The following RAPGEF5 variants were observed in gnomAD, a reference collection of about 807,000 sequenced individuals.
RAPGEF5 encodes M-Ras-regulated GEF.
In RAPGEF5, 65 loss-of-function variants were observed where a neutral mutation model predicts 125.2. That is an observed-to-expected ratio of 0.52 (90% confidence interval 0.43 to 0.64). The LOEUF is 0.64. Among genes scored for constraint, RAPGEF5 ranks in the 30% least tolerant of loss-of-function variants. The probability of loss-of-function intolerance (pLI) is 0.00; values close to 1 mark genes in which losing one functional copy is unlikely to be tolerated. For synonymous variants in RAPGEF5, 391 were observed against 385.9 expected (o/e 1.01, Z -0.16); for missense variants, 958 against 1,048.1 (o/e 0.91, Z 1.19).
chr7:22,154,661 C>A, intron 16 of RAPGEF5, 57 bp from the exon 17 acceptor site: 1 of 1,565,302 alleles, frequency 6.4e-7, no homozygotes, highest in East Asian at 2.3e-5. Context: ...GAGGTATAGA[C>A]TTTTCCAAAT....
At chr7:22,143,484 G>T (rs1783330576) in intron 20 of RAPGEF5, among the ~76,000 whole-genome samples, 1 of 152,046 alleles carries the variant, frequency 6.6e-6, no homozygotes, top group Non-Finnish European at 1.5e-5. Flanking sequence ...TGAAATTCAA[G>T]ATCTTTTACA....
At position 22,291,237 on chromosome 7, in the gene RAPGEF5, G is replaced by C; in HGVS notation, c.685C>G (p.His229Asp). The part of the protein sequence containing the change: ...PARGGICELS[H>D]QKIEDSEESS... ...TCTTCGGAGTCTTCAATTTTCTGAT[G>C]AGACCTAAAAAAAAAAAAAAGAACA... Residue 229 changes from histidine to aspartate, a missense_variant, in exon 6 of 26, where the codon CAT (histidine) becomes GAT (aspartate). His to Asp is a moderately conservative substitution (Grantham distance 81). Transcript: ENST00000665637. The C allele has an allele frequency of 6.5e-7, 1 of 1,530,326 alleles. No homozygotes were observed. Among genetic ancestry groups the C allele is most frequent in the South Asian group, 1.3e-5 (1 of 78,946 alleles). 94.8% of individuals were successfully genotyped at this position (1,530,326 alleles called of 1,614,324 possible).
chr7:22,279,529 A>C (rs1225638364), intron 6 of RAPGEF5, among the ~76,000 whole-genome samples: 2 of 152,306 alleles, frequency 1.3e-5, no homozygotes, highest in East Asian at 3.9e-4. Context: ...TGAAACCCAA[A>C]GTCAAGAACA....
At chr7:22,182,278 A>G (rs1784697567) in intron 11 of RAPGEF5, among the ~76,000 whole-genome samples, 1 of 152,230 alleles carries the variant, frequency 6.6e-6, no homozygotes, top group East Asian at 1.9e-4. Context: ...AAACACAGAA[A>G]GAGAAAGAAG....
intron 9 of RAPGEF5, among the ~76,000 whole-genome samples, chr7:22,214,597 T>C (rs550349052): frequency 1.3e-5 from 2 of 152,320 alleles, no homozygotes; most frequent in Admixed American, 6.5e-5. Flanking sequence ...ATGTAACTAT[T>C]TTACTGAAAA....
chr7:22,189,642 T>TA (rs1330349733), intron 11 of RAPGEF5, among the ~76,000 whole-genome samples: 2 of 152,078 alleles, frequency 1.3e-5, no homozygotes, highest in Non-Finnish European at 2.9e-5. Context: ...CATTTCAAAA[T>TA]ATTTCAAGTC....
At chr7:22,240,500 T>C (rs1249411794) in intron 7 of RAPGEF5, among the ~76,000 whole-genome samples, 1 of 151,940 alleles carries the variant, frequency 6.6e-6, no homozygotes, top group Non-Finnish European at 1.5e-5. Context: ...GCCTCCCAAG[T>C]AGCTGGGATT....
chr7:22,295,857 A>C (rs1178428516), intron 5 of RAPGEF5, among the ~76,000 whole-genome samples: 1 of 152,110 alleles, frequency 6.6e-6, no homozygotes, highest in Non-Finnish European at 1.5e-5. Flanking sequence ...AGGAGTACAA[A>C]GGGTAGGCTT....
chr7:22,273,386 T>A (rs944879362), intron 6 of RAPGEF5, among the ~76,000 whole-genome samples: 17 of 150,908 alleles, frequency 1.1e-4, no homozygotes, highest in African/African-American at 4.1e-4. Flanking sequence ...GCCCGGCTAA[T>A]TTTTTGTATT....
intron 18 of RAPGEF5, among the ~76,000 whole-genome samples, chr7:22,147,699 T>C (rs571176625): frequency 1.3e-5 from 2 of 152,348 alleles, no homozygotes; most frequent in African/African-American, 4.8e-5. Flanking sequence ...ATCACAACTT[T>C]CAATCTATTT....
chr7:22,203,892 A>C (rs1445611220), intron 9 of RAPGEF5, among the ~76,000 whole-genome samples: 1 of 152,214 alleles, frequency 6.6e-6, no homozygotes, highest in African/African-American at 2.4e-5. Context: ...AGGATGCAGA[A>C]ATCTAAATTA....
intron 23 of RAPGEF5, among the ~76,000 whole-genome samples, chr7:22,135,315 T>C (rs941284027): frequency 2.0e-5 from 3 of 152,174 alleles, no homozygotes; most frequent in African/African-American, 7.2e-5. Context: ...CCAAACCCCC[T>C]TTCCCTGGAA....
intron 9 of RAPGEF5, among the ~76,000 whole-genome samples, chr7:22,214,963 C>T (rs1329344806): frequency 6.6e-6 from 1 of 152,180 alleles, no homozygotes; most frequent in African/African-American, 2.4e-5. Context: ...TAATTTATCT[C>T]ATGAAGGCCC....
chr7:22,239,488 C>A (rs1470086343), intron 7 of RAPGEF5, among the ~76,000 whole-genome samples: 1 of 152,058 alleles, frequency 6.6e-6, no homozygotes, highest in Non-Finnish European at 1.5e-5. Context: ...TCAGATACTC[C>A]ATGCTCAGCA....
At chr7:22,314,629 T>C in intron 3 of RAPGEF5, 7 of 982,604 alleles carry the variant, frequency 7.1e-6, no homozygotes, top group Non-Finnish European at 8.5e-6. Context: ...GTATTGCACG[T>C]CATTTCTTTG....
Position 22,144,758 on chromosome 7 carries a change from T to C in RAPGEF5, c.2186+286A>G, listed in dbSNP as rs1783375873. ...CCTCCTGTAGCTCACCCAGACACAC[T>C]GTAGTTCAGCTGCAGGATGAAGGAT... On this transcript the variant is annotated intron_variant, in intron 20 of 25. Coordinates refer to ENST00000665637, the MANE Select transcript of RAPGEF5 (RefSeq NM_012294.5). Among the ~76,000 whole-genome samples, 2 of 152,284 alleles carry C rather than the reference T, an allele frequency of 1.3e-5. No individual in the cohort carries two copies. Among genetic ancestry groups the C allele is most frequent in the South Asian group, 4.1e-4 (2 of 4,822 alleles).
chr7:22,223,077 G>T (rs1458461938), intron 8 of RAPGEF5, among the ~76,000 whole-genome samples: 1 of 152,140 alleles, frequency 6.6e-6, no homozygotes, highest in Non-Finnish European at 1.5e-5. Flanking sequence ...CCAGGCTGAA[G>T]ATATGAATTC....
intron 1 of RAPGEF5, among the ~76,000 whole-genome samples, chr7:22,340,610 T>C (rs1784107670): frequency 6.6e-6 from 1 of 152,244 alleles, no homozygotes; most frequent in Non-Finnish European, 1.5e-5. Flanking sequence ...GGGATTCCTG[T>C]ATGTCTGGGT....
chr7:22,160,074 A>G (rs1011095939), intron 14 of RAPGEF5, among the ~76,000 whole-genome samples: 14 of 152,218 alleles, frequency 9.2e-5, no homozygotes, highest in African/African-American at 3.1e-4. Flanking sequence ...GCGCTGCTGC[A>G]TTCCAGGCTG....
Sources: allele counts gnomAD v4.1 joint callset (sites outside exome capture counted in the v4.1 genomes callset), GRCh38; gene constraint gnomAD v4.1.1; transcripts MANE v1.5; gene names NCBI Gene and HGNC (gene_info 2026-07-23, HGNC 2026-07-21).